Variants in PDK2 observed in about 807,000 individuals in gnomAD.
PDK2 encodes pyruvate dehydrogenase kinase, isozyme 2.
A neutral mutation model predicts 50.4 loss-of-function variants in PDK2; 34 were observed. The ratio of observed to expected loss-of-function variants is 0.68; its 90% CI spans 0.51 to 0.90. The LOEUF (loss-of-function observed/expected upper bound fraction) is 0.90, where lower values mean the gene tolerates loss of function less well. PDK2 is among the 40% of genes least tolerant of loss of function. The pLI, the probability that PDK2 is intolerant of heterozygous loss-of-function variation, is 0.00. For missense variants in PDK2, 377 were observed against 544.5 expected, an observed-to-expected ratio of 0.69 and a Z score of 3.06; for synonymous variants, 232 against 216.0, an observed-to-expected ratio of 1.07 and a Z score of -0.65.
chr17:50,109,339 A>T lies in PDK2; in HGVS notation c.1022A>T (p.Gln341Leu). The change falls in exon 10 of 11, where the codon CAG becomes CTG. Residue 341 changes from glutamine to leucine, a missense_variant. Physicochemically the swap from Gln to Leu is moderately radical, Grantham distance 113. Coordinates refer to ENST00000503176, the MANE Select transcript of PDK2 (RefSeq NM_002611.5). This position sits in a 1 kb window ranked among gnomAD's most constrained non-coding sequence, Gnocchi z 5.0. ...PISRLYAKYF[Q>L]GDLQLFSMEG... ...TCCCGCCTCTACGCCAAGTACTTCC[A>T]GGGAGACCTGCAGCTCTTCTCCATG... 6.2e-7 allele frequency: 1 copy of T among 1,613,728 alleles called. No homozygotes were observed. The highest frequency in any genetic ancestry group is 2.2e-5 in the East Asian group (1 of 44,854).
At chr17:50,095,227 G>A (rs1909866774), upstream of PDK2, 4 of 509,436 alleles carry the variant, frequency 7.9e-6, no homozygotes, top group Non-Finnish European at 1.4e-5. Context: ...GAAGCCACGT[G>A]CCGGGGCGGA....
Position 50,110,055 on chromosome 17 carries a change from C to A in PDK2, c.1182C>A (p.Pro394=). The A allele has an allele frequency of 6.2e-7, 1 of 1,611,106 alleles. No homozygotes were observed. Residue 394 remains proline (P), a synonymous_variant, in exon 11 of 11, where the codon CCC becomes CCA. Transcript: ENST00000503176. ...AGGAGGCCGGCGACTGGTGTGTGCC[C>A]AGCACGGAGCCCAAGAACACGTCCA... The part of the protein sequence containing the change: ...TIQEAGDWCV[P]STEPKNTSTY...
chr17:50,096,754 G>A (rs1393761855), intron 1 of PDK2, among the ~76,000 whole-genome samples: 1 of 152,224 alleles, frequency 6.6e-6, no homozygotes, highest in Non-Finnish European at 1.5e-5. Flanking sequence ...TGATGGCATG[G>A]CCTGGGTGAC....
chr17:50,106,543 T>G (rs537106903), intron 4 of PDK2: 553 of 560,126 alleles, frequency 9.9e-4, no homozygotes, highest in African/African-American at 9.5e-3. Context: ...TGTGGAGATG[T>G]GATGTGGGGA....
At chr17:50,106,141 G>A (rs756990978) in intron 4 of PDK2, 72 bp downstream of exon 4, 3 of 1,547,978 alleles carry the variant, frequency 1.9e-6, no homozygotes, top group Non-Finnish European at 2.6e-6. Context: ...CCGGGCTGCT[G>A]AGGGGACCTA....
chr17:50,106,669 C>A, intron 4 of PDK2, 125 bp from the exon 5 acceptor site: 1 of 786,328 alleles, frequency 1.3e-6, no homozygotes, highest in African/African-American at 1.7e-5. Context: ...AGTGGGGCAG[C>A]TTTAGGACTG....
Position 50,108,145 on chromosome 17 carries a change from T to C in PDK2, c.686-11T>C. On this transcript the variant is annotated splice_polypyrimidine_tract_variant and intron_variant, in intron 6 of 10. Coordinates refer to ENST00000503176, the MANE Select transcript of PDK2 (RefSeq NM_002611.5). ...CGGTTTCCTGACCCTTGGTCTTGAC[T>C]TGCCCTGTAGCAGCCAACTCCAAAC... The C allele has an allele frequency of 6.3e-7, 1 of 1,583,910 alleles. No homozygotes were observed. The highest frequency in any genetic ancestry group is 8.6e-7 in the Non-Finnish European group (1 of 1,163,038).
At chr17:50,095,676 G>C in intron 1 of PDK2, 123 bp downstream of exon 1, 10 of 1,463,782 alleles carry the variant, frequency 6.8e-6, no homozygotes, top group South Asian at 1.4e-5. Flanking sequence ...TGTTTGGAAA[G>C]GTACAGGCAG....
intron 2 of PDK2, among the ~76,000 whole-genome samples, chr17:50,102,165 G>A (rs1456097038): frequency 6.6e-6 from 1 of 152,156 alleles, no homozygotes; most frequent in Non-Finnish European, 1.5e-5. Context: ...GGCCCCTGAG[G>A]GGCTTCAGGG....
chr17:50,109,850 G>T lies in PDK2; in HGVS notation c.1084-107G>T. 7.9e-7 allele frequency: 1 copy of T among 1,260,942 alleles called. No individual in the cohort carries two copies. Among genetic ancestry groups the T allele is most frequent in the Admixed American group, 2.9e-5 (1 of 34,080 alleles). 78.1% of individuals were successfully genotyped at this position (1,260,942 alleles called of 1,614,324 possible). A position where few individuals can be genotyped will look rare whatever the true frequency, so the allele number is the denominator to read the frequency against. On this transcript the variant is annotated intron_variant, in intron 10 of 10. Coordinates refer to ENST00000503176, the MANE Select transcript of PDK2 (RefSeq NM_002611.5). The surrounding 1 kb of genome is among the most constrained non-coding windows in gnomAD (Gnocchi z 5.0). ...GACCACCCTTTTGTGGTCTTTCCAG[G>T]CCCCCGTGTCTGGCAGCTGGGCTGC... is the stretch of plus-strand genomic sequence containing the variant.
chr17:50,106,737 G>C, intron 4 of PDK2, 57 bp from the exon 5 acceptor site: 1 of 1,406,188 alleles, frequency 7.1e-7, no homozygotes, highest in Non-Finnish European at 1.0e-6. Flanking sequence ...CGGGGGAAGA[G>C]GGAGCGCTGG....
intron 1 of PDK2, chr17:50,096,194 C>T (rs1183237593): frequency 1.1e-5 from 11 of 985,472 alleles, no homozygotes; most frequent in Non-Finnish European, 1.3e-5. Flanking sequence ...CTGTTCCGGC[C>T]TGGCAGCCTC....
chr17:50,106,977 G>A (rs972272927), intron 5 of PDK2, 94 bp downstream of exon 5: 4 of 1,468,706 alleles, frequency 2.7e-6, no homozygotes, highest in Middle Eastern at 1.7e-4. Context: ...TCAGTAAGGG[G>A]TGCCATGGAT....
rs546024762 is a variant in PDK2, at chr17:50,106,900, G to A, written c.607+17G>A. 2.5e-5 allele frequency: 40 copies of A among 1,609,804 alleles called. No homozygotes were observed. In the South Asian group the frequency reaches 4.3e-4, roughly 17 times the overall value. ...TGGTCAAAGGTGAGCCATTCCCACG[G>A]TGCCTGGCCCGCAGAGAAGCCCCGG... On this transcript the variant is annotated intron_variant, in intron 5 of 10. Transcript: ENST00000503176.
intron 3 of PDK2, 103 bp downstream of exon 3, chr17:50,105,545 C>A: frequency 1.1e-6 from 1 of 950,500 alleles, no homozygotes; most frequent in Non-Finnish European, 1.6e-6. Context: ...AGAAAAGACC[C>A]CTGCCTTCAG....
At chr17:50,106,484 G>A in intron 4 of PDK2, 1 of 483,616 alleles carries the variant, frequency 2.1e-6, no homozygotes, top group Non-Finnish European at 3.7e-6. Flanking sequence ...AAAGCAAGGT[G>A]GTAAGAGTTC....
At position 50,111,512 on chromosome 17, in the gene PDK2, T is replaced by G. The variant is rs558353440; in HGVS notation, c.*1415T>G. On this transcript the variant is annotated 3_prime_UTR_variant, in exon 11 of 11. Coordinates refer to ENST00000503176, the MANE Select transcript of PDK2 (RefSeq NM_002611.5). ...TCCGAAGCCCCTCTCCCAGCACAGA[T>G]AGCAGAGGGGGGATAAGGGCTGAGT... The G allele has an allele frequency of 6.6e-6, 1 of 152,318 alleles. No homozygotes were observed. Among genetic ancestry groups the G allele is most frequent in the East Asian group, 1.9e-4 (1 of 5,168 alleles). 9.4% of individuals were successfully genotyped at this position (152,318 alleles called of 1,614,324 possible).
At position 50,111,120 on chromosome 17, in the gene PDK2, G is replaced by A. The variant is rs530305665; in HGVS notation, c.*1023G>A. 2.6e-5 allele frequency: 4 copies of A among 152,478 alleles called. No individual in the cohort carries two copies. The South Asian group carries it at 8.3e-4, about 32-fold the overall frequency. 9.4% of individuals were successfully genotyped at this position (152,478 alleles called of 1,614,324 possible). Reference sequence around the variant, plus strand: ...ACGTGCGCACGTACACACGCACACTGCGGTGCCCTGTGACCACCACATGAC... The same window carrying A: ...ACGTGCGCACGTACACACGCACACTACGGTGCCCTGTGACCACCACATGAC... On this transcript the variant is annotated 3_prime_UTR_variant, in exon 11 of 11. Transcript: ENST00000503176.
In PDK2 at chr17:50,110,187, G is replaced by C; in HGVS notation, c.*90G>C. The C allele has an allele frequency of 7.2e-7, 1 of 1,384,102 alleles. No homozygotes were observed. Among genetic ancestry groups the C allele is most frequent in the Non-Finnish European group, 9.7e-7 (1 of 1,035,820 alleles). The allele number at this position is 1,384,102 out of a possible 1,614,324, so 85.7% of individuals were successfully genotyped here. The stretch of plus-strand genomic sequence containing the variant: ...CCCTCACCATCCTCCTGGGGGAGCA[G>C]GGGGTGGGTTCTCCCTGATGACCAG... On this transcript the variant is annotated 3_prime_UTR_variant, in exon 11 of 11. Coordinates refer to ENST00000503176, the MANE Select transcript of PDK2 (RefSeq NM_002611.5).
Sources: gnomAD v4.1 joint callset for allele counts (sites outside exome capture counted in the v4.1 genomes callset) on GRCh38, gnomAD v4.1.1 for gene constraint, Gnocchi (gnomAD v3.1) non-coding constraint, MANE v1.5 for transcripts, NCBI Gene and HGNC (gene_info 2026-07-23, HGNC 2026-07-21) for gene names.